Variants in CYB5R4 observed in about 807,000 individuals in gnomAD.
The protein encoded by CYB5R4 is N-terminal cytochrome b5 and cytochrome b5 oxidoreductase domain-containing protein.
In CYB5R4, 55 loss-of-function variants were observed where a neutral mutation model predicts 70.2. The ratio of observed to expected loss-of-function variants is 0.78; its 90% CI spans 0.63 to 0.98. The LOEUF is 0.98. CYB5R4 is among the 50% of genes least tolerant of loss of function. The probability of loss-of-function intolerance (pLI) is 0.00; values close to 1 mark genes in which losing one functional copy is unlikely to be tolerated. For synonymous variants in CYB5R4, 197 were observed against 199.5 expected (o/e 0.99, Z 0.11); for missense variants, 562 against 612.6 (o/e 0.92, Z 0.87).
At chr6:83,958,463 G>A (rs2129146538) in intron 15 of CYB5R4, among the ~76,000 whole-genome samples, 1 of 152,328 alleles carries the variant, frequency 6.6e-6, no homozygotes, top group East Asian at 1.9e-4. Context: ...TGCACAGCAT[G>A]TGGACTAAAA....
intron 14 of CYB5R4, among the ~76,000 whole-genome samples, chr6:83,943,016 G>A (rs1451130924): frequency 3.9e-5 from 6 of 152,190 alleles, no homozygotes; most frequent in African/African-American, 1.4e-4. Flanking sequence ...CCTGGGGGAA[G>A]GGGCAGCTAT....
chr6:83,934,605 C>G lies in CYB5R4; in HGVS notation c.825C>G (p.Tyr275Ter). Residue 275 changes from tyrosine (Y) to a stop codon, truncating the protein, a stop_gained, in exon 11 of 16, where the codon TAC (tyrosine) becomes TAG (stop). Coordinates refer to ENST00000369681, the MANE Select transcript of CYB5R4 (RefSeq NM_016230.4). LOFTEE classifies it high-confidence loss of function. ...TGAATCACTTTTTAGGTTTGTACTACAGAAAGTGCCAGTTAATTTCCAAGG... is the reference window on the plus strand; with the variant it reads ...TGAATCACTTTTTAGGTTTGTACTAGAGAAAGTGCCAGTTAATTTCCAAGG... ...LIPRKDTGLY[Y>*]RKCQLISKED... is the part of the protein sequence containing the mutation. 6.2e-7 allele frequency: 1 copy of G among 1,609,046 alleles called. No homozygotes were observed. The highest frequency in any genetic ancestry group is 1.1e-5 in the South Asian group (1 of 90,718).
At chr6:83,937,267 T>A (rs1361655419) in intron 12 of CYB5R4, among the ~76,000 whole-genome samples, 1 of 151,736 alleles carries the variant, frequency 6.6e-6, no homozygotes, top group Non-Finnish European at 1.5e-5. Flanking sequence ...AGAGCGAGAC[T>A]CTGTCTCAAA....
At chr6:83,881,434 C>T (rs1276093158) in intron 2 of CYB5R4, among the ~76,000 whole-genome samples, 1 of 152,198 alleles carries the variant, frequency 6.6e-6, no homozygotes, top group African/African-American at 2.4e-5. Flanking sequence ...CCTTGGTCTC[C>T]CAGAGTGCTG....
intron 10 of CYB5R4, among the ~76,000 whole-genome samples, chr6:83,928,605 A>G (rs1415136957): frequency 6.6e-6 from 1 of 152,194 alleles, no homozygotes; most frequent in African/African-American, 2.4e-5. Context: ...AGAGAGAGAA[A>G]AATGTAAGTG....
At chr6:83,936,629 C>G (rs886477415) in intron 12 of CYB5R4, among the ~76,000 whole-genome samples, 1 of 152,142 alleles carries the variant, frequency 6.6e-6, no homozygotes, top group African/African-American at 2.4e-5. Flanking sequence ...TTTCTCTTTC[C>G]CAGTCCAGTC....
chr6:83,863,630 C>G (rs1194643861), intron 1 of CYB5R4, among the ~76,000 whole-genome samples: 1 of 152,110 alleles, frequency 6.6e-6, no homozygotes, highest in East Asian at 1.9e-4. Context: ...CAATACCATT[C>G]CTGTTATATG....
intron 2 of CYB5R4, among the ~76,000 whole-genome samples, chr6:83,869,026 T>C (rs2129128333): frequency 6.6e-6 from 1 of 152,358 alleles, no homozygotes; most frequent in African/African-American, 2.4e-5. Context: ...CTCCAAATGG[T>C]ATTTTAATGG....
intron 3 of CYB5R4, among the ~76,000 whole-genome samples, chr6:83,904,990 A>G (rs541958541): frequency 2.7e-4 from 40 of 147,820 alleles, no homozygotes; most frequent in Non-Finnish European, 5.7e-4. Flanking sequence ...CCTTATGTTG[A>G]TATTGCACAT....
At chr6:83,872,358 A>G (rs768665261) in intron 2 of CYB5R4, among the ~76,000 whole-genome samples, 12 of 152,232 alleles carry the variant, frequency 7.9e-5, no homozygotes, top group Non-Finnish European at 1.3e-4. Context: ...CAACAGACCA[A>G]TGAGGTAGGT....
At chr6:83,871,157 T>C (rs1040960638) in intron 2 of CYB5R4, among the ~76,000 whole-genome samples, 2 of 151,896 alleles carry the variant, frequency 1.3e-5, no homozygotes, top group Non-Finnish European at 2.9e-5. Context: ...TTTTGTATTT[T>C]TAGTAGAGAT....
chr6:83,871,669 A>C (rs2099457663), intron 2 of CYB5R4, among the ~76,000 whole-genome samples: 1 of 152,140 alleles, frequency 6.6e-6, no homozygotes, highest in African/African-American at 2.4e-5. Flanking sequence ...ATTTTAAAAA[A>C]GGATATAGGG....
At chr6:83,897,312 G>T (rs942483979) in intron 3 of CYB5R4, among the ~76,000 whole-genome samples, 7 of 152,220 alleles carry the variant, frequency 4.6e-5, no homozygotes, top group Non-Finnish European at 8.8e-5. Context: ...GTCTATCATT[G>T]TTGGTTCCAA....
At position 83,922,668 on chromosome 6, in the gene CYB5R4, C is replaced by T. The variant is rs140853004; in HGVS notation, c.691+198C>T. Among the ~76,000 whole-genome samples, 65 of 151,656 alleles carry T rather than the reference C, an allele frequency of 4.3e-4. No individual in the cohort carries two copies. In the East Asian group the frequency reaches 7.3e-3, roughly 17 times the overall value. ...CTGGGATACATGTGCAAGATGTGCA[C>T]GTTTGTTACATAGGTAAATGTGTGT... On this transcript the variant is annotated intron_variant, in intron 9 of 15. Transcript: ENST00000369681.
At chr6:83,862,911 G>A (rs947499490) in intron 1 of CYB5R4, among the ~76,000 whole-genome samples, 1 of 152,160 alleles carries the variant, frequency 6.6e-6, no homozygotes, top group East Asian at 1.9e-4. Flanking sequence ...AATGTGAAAG[G>A]CACCACAGAC....
intron 7 of CYB5R4, among the ~76,000 whole-genome samples, chr6:83,919,976 C>A (rs528980873): frequency 3.9e-5 from 6 of 152,106 alleles, no homozygotes; most frequent in African/African-American, 1.2e-4. Context: ...AATTCAGTAA[C>A]CATCAAAACT....
At chr6:83,868,012 A>T (rs2099457005) in intron 2 of CYB5R4, among the ~76,000 whole-genome samples, 1 of 152,148 alleles carries the variant, frequency 6.6e-6, no homozygotes, top group South Asian at 2.1e-4. Flanking sequence ...ACTAAACAAA[A>T]TTACCTTTTT....
chr6:83,870,256 A>C (rs1439320612), intron 2 of CYB5R4, among the ~76,000 whole-genome samples: 2 of 152,196 alleles, frequency 1.3e-5, no homozygotes, highest in Non-Finnish European at 2.9e-5. Context: ...TTTTCCAAGG[A>C]GCAATGGGTC....
intron 15 of CYB5R4, among the ~76,000 whole-genome samples, chr6:83,956,375 G>C (rs370059911): frequency 1.6e-4 from 24 of 152,262 alleles, no homozygotes; most frequent in East Asian, 7.7e-4. Context: ...CTGGATTGGG[G>C]GGGGCACGGG....
Sources: allele counts gnomAD v4.1 joint callset (sites outside exome capture counted in the v4.1 genomes callset), GRCh38; gene constraint gnomAD v4.1.1; transcripts MANE v1.5; gene names NCBI Gene and HGNC (gene_info 2026-07-23, HGNC 2026-07-21).